Variants in LRRC69 observed in about 807,000 individuals in gnomAD.
LRRC69 encodes leucine rich repeat containing 69.
Under a neutral mutation model 37.8 loss-of-function variants are expected in LRRC69, and 42 were observed. The ratio of observed to expected loss-of-function variants is 1.11; its 90% CI spans 0.87 to 1.44. The LOEUF (loss-of-function observed/expected upper bound fraction) is 1.44. Ranked by LOEUF, LRRC69 falls within the 40% of genes most tolerant of loss-of-function variation. The pLI is 0.00. For missense variants in LRRC69, 357 were observed against 401.9 expected (o/e 0.89, Z 0.96); for synonymous variants, 141 against 143.1 (o/e 0.99, Z 0.11).
At chr8:91,155,852 A>G (rs992306865) in intron 5 of LRRC69, among the ~76,000 whole-genome samples, 9 of 145,120 alleles carry the variant, frequency 6.2e-5, no homozygotes, top group Non-Finnish European at 1.0e-4. Context: ...TCTTTTTGTG[A>G]ATATGTATGT....
At chr8:91,157,522 T>C in intron 5 of LRRC69, 2 of 1,540,728 alleles carry the variant, frequency 1.3e-6, no homozygotes, top group Admixed American at 3.4e-5. Flanking sequence ...GTTCTATTTG[T>C]TTCCTATAGT....
chr8:91,139,009 A>G (rs868618873), intron 5 of LRRC69: 8 of 151,644 alleles, frequency 5.3e-5, no homozygotes, highest in African/African-American at 1.9e-4. Context: ...GTAAGCTGAG[A>G]TCATACTCCA....
intron 7 of LRRC69, among the ~76,000 whole-genome samples, chr8:91,201,941 C>A (rs139692474): frequency 1.2e-4 from 18 of 152,226 alleles, no homozygotes; most frequent in South Asian, 2.1e-4. Flanking sequence ...TGCGGTGGCT[C>A]ACACCTGTAA....
chr8:91,129,362 G>T (rs1332633810), intron 3 of LRRC69, among the ~76,000 whole-genome samples: 1 of 151,954 alleles, frequency 6.6e-6, no homozygotes, highest in East Asian at 1.9e-4. Context: ...ATTTTCTTTG[G>T]AAAAGTAGGA....
chr8:91,160,047 C>A (rs974380780), intron 5 of LRRC69, among the ~76,000 whole-genome samples: 5 of 151,082 alleles, frequency 3.3e-5, no homozygotes, highest in African/African-American at 1.2e-4. Flanking sequence ...TTTGTGTTTG[C>A]CCTCTTTAAT....
intron 5 of LRRC69, among the ~76,000 whole-genome samples, chr8:91,176,134 A>ATATATATATATATTTTTTTT: frequency 3.3e-4 from 25 of 75,686 alleles, no homozygotes; most frequent in African/African-American, 6.7e-4. Context: ...ATATATATAT[A>ATATATATATATATTTTTTTT]TTTTTTTTTT....
intron 5 of LRRC69, among the ~76,000 whole-genome samples, chr8:91,153,561 TA>T (rs1554592507): frequency 6.6e-6 from 1 of 151,794 alleles, no homozygotes; most frequent in Non-Finnish European, 1.5e-5. Context: ...TTAAGAAACT[TA>T]CTCAAAACCA....
chr8:91,189,199 C>G (rs1468601606), intron 5 of LRRC69, among the ~76,000 whole-genome samples: 1 of 152,140 alleles, frequency 6.6e-6, no homozygotes, highest in South Asian at 2.1e-4. Flanking sequence ...TCCCAACACT[C>G]AATTTATTAA....
At chr8:91,199,852 A>C (rs942421938) in intron 6 of LRRC69, among the ~76,000 whole-genome samples, 3 of 152,214 alleles carry the variant, frequency 2.0e-5, no homozygotes, top group African/African-American at 7.2e-5. Flanking sequence ...TATTTTTATT[A>C]AGATGATAGC....
intron 7 of LRRC69, 54 bp from the exon 8 acceptor site, chr8:91,218,836 G>GA (rs1191052370): frequency 6.8e-5 from 77 of 1,128,470 alleles, no homozygotes; most frequent in Non-Finnish European, 9.6e-5. Context: ...TTATTTTAAT[G>GA]AAAAATACTT....
At chr8:91,140,212 A>G (rs991270949) in intron 5 of LRRC69, among the ~76,000 whole-genome samples, 1 of 151,906 alleles carries the variant, frequency 6.6e-6, no homozygotes, top group Non-Finnish European at 1.5e-5. Flanking sequence ...GATCTGATCT[A>G]TCTATCATTG....
intron 2 of LRRC69, among the ~76,000 whole-genome samples, chr8:91,126,640 C>T (rs1173690783): frequency 6.6e-6 from 1 of 151,796 alleles, no homozygotes; most frequent in Non-Finnish European, 1.5e-5. Flanking sequence ...AATGAACATT[C>T]AAATTCAGAA....
intron 7 of LRRC69, among the ~76,000 whole-genome samples, chr8:91,211,546 G>T (rs1419946812): frequency 6.8e-6 from 1 of 148,030 alleles, no homozygotes; most frequent in Non-Finnish European, 1.5e-5. Context: ...GTAAGGAATT[G>T]CTTTTATATA....
intron 1 of LRRC69, among the ~76,000 whole-genome samples, chr8:91,123,126 A>G (rs1015729596): frequency 2.0e-5 from 3 of 152,208 alleles, no homozygotes; most frequent in African/African-American, 7.2e-5. Context: ...AGGCAGGCAA[A>G]CAGATCATCC....
chr8:91,146,424 T>A (rs1808619406), intron 5 of LRRC69, among the ~76,000 whole-genome samples: 1 of 151,844 alleles, frequency 6.6e-6, no homozygotes. Context: ...GGGCCAATAT[T>A]TTTGAGAAAG....
intron 5 of LRRC69, among the ~76,000 whole-genome samples, chr8:91,182,965 G>A (rs1052311184): frequency 1.3e-5 from 2 of 152,182 alleles, no homozygotes; most frequent in African/African-American, 4.8e-5. Context: ...GGTGACACAA[G>A]CTGACAGCTG....
chr8:91,133,151 T>A lies in LRRC69; in HGVS notation c.425T>A (p.Leu142Gln). 4 of 1,529,282 alleles carry A rather than the reference T, an allele frequency of 2.6e-6. No homozygotes were observed. The Middle Eastern group carries it at 5.1e-4, about 194-fold the overall frequency. 94.7% of individuals were successfully genotyped at this position (1,529,282 alleles called of 1,614,324 possible). ...TATATGAGTATAAATTATAACCAAC[T>A]AGCCAGCATTCCTAGAGAACTTTGT... The change falls in exon 4 of 8, where the codon CTA becomes CAA. Residue 142 changes from leucine to glutamine, a missense_variant. Leu to Gln is a moderately radical substitution (Grantham distance 113). Transcript: ENST00000448384.
chr8:91,177,120 C>A (rs1222129836), intron 5 of LRRC69, among the ~76,000 whole-genome samples: 3 of 152,048 alleles, frequency 2.0e-5, no homozygotes, highest in Non-Finnish European at 4.4e-5. Context: ...TAATCAAGGA[C>A]TGATTGATTA....
At chr8:91,192,536 T>C (rs896567482) in intron 6 of LRRC69, among the ~76,000 whole-genome samples, 7 of 151,256 alleles carry the variant, frequency 4.6e-5, no homozygotes, top group Admixed American at 1.3e-4. Flanking sequence ...ATGATTGCCA[T>C]TCTAACTGGT....
Sources: gnomAD v4.1 joint callset for allele counts (sites outside exome capture counted in the v4.1 genomes callset) on GRCh38, gnomAD v4.1.1 for gene constraint, MANE v1.5 for transcripts, NCBI Gene and HGNC (gene_info 2026-07-23, HGNC 2026-07-21) for gene names.